Variants in RBFOX1 observed in about 807,000 individuals in gnomAD.
RBFOX1 encodes the protein RNA binding fox-1 homolog 1.
In RBFOX1, 8 loss-of-function variants were observed where a neutral mutation model predicts 57.7. That is an observed-to-expected ratio of 0.14 (90% confidence interval 0.08 to 0.25). The LOEUF is 0.25. Ranked by LOEUF, RBFOX1 falls within the 10% of genes least tolerant of loss-of-function variation. The pLI, the probability that RBFOX1 is intolerant of heterozygous loss-of-function variation, is 1.00. For synonymous variants in RBFOX1, 326 were observed against 222.4 expected, an observed-to-expected ratio of 1.47 and a Z score of -4.15; for missense variants, 611 against 548.5, an observed-to-expected ratio of 1.11 and a Z score of -1.14.
At chr16:5,243,328 A>T (rs2062215896) in intron 1 of RBFOX1, among the ~76,000 whole-genome samples, 1 of 152,204 alleles carries the variant, frequency 6.6e-6, no homozygotes, top group Non-Finnish European at 1.5e-5. Flanking sequence ...TCCCTGATGG[A>T]CGCACCAGAT....
intron 3 of RBFOX1, among the ~76,000 whole-genome samples, chr16:6,807,087 G>C (rs1024707212): frequency 6.6e-6 from 1 of 151,704 alleles, no homozygotes; most frequent in Non-Finnish European, 1.5e-5. Context: ...GCCTGCTTCA[G>C]CCTCCCAAAG....
intron 3 of RBFOX1, among the ~76,000 whole-genome samples, chr16:5,776,071 C>G (rs117041340): frequency 6.6e-6 from 1 of 152,254 alleles, no homozygotes; most frequent in East Asian, 1.9e-4. Context: ...TTTCCCCTTT[C>G]ATTTTAATTA....
intron 3 of RBFOX1, among the ~76,000 whole-genome samples, chr16:5,757,659 G>T (rs2053448511): frequency 6.6e-6 from 1 of 152,072 alleles, no homozygotes; most frequent in African/African-American, 2.4e-5. Flanking sequence ...AATGAGTTTT[G>T]TTGGACAGAT....
chr16:7,362,203 GTGTT>G (rs766084044), intron 4 of RBFOX1, among the ~76,000 whole-genome samples: 10 of 150,978 alleles, frequency 6.6e-5, no homozygotes, highest in Admixed American at 2.0e-4. Context: ...GTGTATGATT[GTGTT>G]TGTTTTTTAT....
At chr16:7,599,123 C>G (rs548549758) in intron 9 of RBFOX1, among the ~76,000 whole-genome samples, 1 of 152,346 alleles carries the variant, frequency 6.6e-6, no homozygotes, top group Non-Finnish European at 1.5e-5. Flanking sequence ...TATTTTCACA[C>G]CAGACTTTAA....
intron 1 of RBFOX1, among the ~76,000 whole-genome samples, chr16:6,112,884 G>A (rs111741515): frequency 0.01 from 1,578 of 152,240 alleles, 19 homozygotes; most frequent in Middle Eastern, 0.024. Context: ...GAAAGTGTTG[G>A]AAAGTAATTT....
chr16:6,599,986 G>C (rs1296942561), intron 2 of RBFOX1, among the ~76,000 whole-genome samples: 1 of 152,138 alleles, frequency 6.6e-6, no homozygotes, highest in East Asian at 1.9e-4. Context: ...GCAACATGTT[G>C]TCCTATTGCC....
chr16:7,073,411 T>C (rs1162285695), intron 4 of RBFOX1, among the ~76,000 whole-genome samples: 1 of 152,190 alleles, frequency 6.6e-6, no homozygotes, highest in Non-Finnish European at 1.5e-5. Context: ...GTCAAGAGCA[T>C]GCATGAGTTA....
At chr16:7,106,692 G>C (rs2063643683) in intron 4 of RBFOX1, among the ~76,000 whole-genome samples, 1 of 151,938 alleles carries the variant, frequency 6.6e-6, no homozygotes, top group African/African-American at 2.4e-5. Context: ...CGATGTGTGA[G>C]CTCCATGCTA....
intron 3 of RBFOX1, among the ~76,000 whole-genome samples, chr16:5,664,883 C>T (rs965792393): frequency 5.3e-5 from 8 of 152,132 alleles, no homozygotes; most frequent in Non-Finnish European, 8.8e-5. Context: ...AGGCCCTGCA[C>T]ACTTGGCCTC....
chr16:7,435,781 C>T (rs2098716829), intron 4 of RBFOX1, among the ~76,000 whole-genome samples: 1 of 152,180 alleles, frequency 6.6e-6, no homozygotes, highest in African/African-American at 2.4e-5. Context: ...GCAAACATCA[C>T]AGCCACAGTG....
At chr16:6,744,596 T>A (rs2073124360) in intron 3 of RBFOX1, among the ~76,000 whole-genome samples, 1 of 152,036 alleles carries the variant, frequency 6.6e-6, no homozygotes, top group African/African-American at 2.4e-5. Context: ...AAATAACCTG[T>A]GGATCGAAGA....
At chr16:6,572,565 A>C (rs2097359543) in intron 2 of RBFOX1, among the ~76,000 whole-genome samples, 1 of 151,910 alleles carries the variant, frequency 6.6e-6, no homozygotes, top group Non-Finnish European at 1.5e-5. Flanking sequence ...CCCCAGATGG[A>C]CAGCTATGTT....
At chr16:7,076,321 C>T (rs554228087) in intron 4 of RBFOX1, among the ~76,000 whole-genome samples, 3 of 152,066 alleles carry the variant, frequency 2.0e-5, no homozygotes, top group African/African-American at 7.2e-5. Context: ...CGTGAACCAC[C>T]ACTCCCGGCC....
intron 4 of RBFOX1, among the ~76,000 whole-genome samples, chr16:7,294,321 G>A (rs2095850095): frequency 6.6e-6 from 1 of 152,072 alleles, no homozygotes; most frequent in Admixed American, 6.6e-5. Flanking sequence ...CCTTGTCTTT[G>A]CTTCACCTCC....
At position 6,223,174 on chromosome 16, in the gene RBFOX1, T is replaced by C. The variant is rs914759561; in HGVS notation, c.-126-93821T>C. ...CACAATAAACATACGTGTGCATGTG[T>C]CTTTATAGCAGCATGATTTATAGTC... On this transcript the variant is annotated intron_variant, in intron 1 of 15. Transcript: ENST00000550418. 3.3e-5 allele frequency among the ~76,000 whole-genome samples: 5 copies of C among 150,994 alleles called. 1 individual carries two copies. The highest frequency in any genetic ancestry group is 1.2e-4 in the African/African-American group (5 of 41,142).
At chr16:5,895,264 C>G (rs910341805) in intron 4 of RBFOX1, among the ~76,000 whole-genome samples, 1 of 152,142 alleles carries the variant, frequency 6.6e-6, no homozygotes, top group African/African-American at 2.4e-5. Flanking sequence ...ATAATGTGGT[C>G]CAGATGCCTG....
At chr16:6,083,621 C>T (rs569246791) in intron 1 of RBFOX1, among the ~76,000 whole-genome samples, 37 of 152,062 alleles carry the variant, frequency 2.4e-4, no homozygotes, top group African/African-American at 7.5e-4. Context: ...GGACCACAGA[C>T]GTGCGCCACC....
chr16:6,708,537 C>T (rs1396634040), intron 3 of RBFOX1, among the ~76,000 whole-genome samples: 1 of 152,152 alleles, frequency 6.6e-6, no homozygotes, highest in Non-Finnish European at 1.5e-5. Flanking sequence ...CAATTTCGCA[C>T]AAATATGTTT....
Sources: allele counts gnomAD v4.1 joint callset (sites outside exome capture counted in the v4.1 genomes callset), GRCh38; gene constraint gnomAD v4.1.1; transcripts MANE v1.5; gene names NCBI Gene and HGNC (gene_info 2026-07-23, HGNC 2026-07-21).